Variants in CSMD1 observed in about 807,000 individuals in gnomAD.
The protein encoded by CSMD1 is CUB and Sushi multiple domains 1, also known as CUB and sushi domain-containing protein 1.
A neutral mutation model predicts 417.5 loss-of-function variants in CSMD1; 213 were observed. That is an observed-to-expected ratio of 0.51 (90% confidence interval 0.46 to 0.57). The LOEUF (loss-of-function observed/expected upper bound fraction) is 0.57, where lower values mean the gene tolerates loss of function less well. CSMD1 is among the 20% of genes least tolerant of loss of function. CSMD1 has a pLI of 0.00. For synonymous variants in CSMD1, 2,862 were observed against 1,736.8 expected, an observed-to-expected ratio of 1.65 and a Z score of -16.11; for missense variants, 6,923 against 4,529.7, an observed-to-expected ratio of 1.53 and a Z score of -15.17.
intron 3 of CSMD1, among the ~76,000 whole-genome samples, chr8:4,108,589 C>T (rs1405932759): frequency 6.6e-6 from 1 of 152,182 alleles, no homozygotes; most frequent in Non-Finnish European, 1.5e-5. Context: ...TTTAGATTTC[C>T]ACACGGCAAC....
chr8:3,898,714 A>T (rs1807527399), intron 5 of CSMD1, among the ~76,000 whole-genome samples: 4 of 152,172 alleles, frequency 2.6e-5, no homozygotes, highest in Admixed American at 2.6e-4. Context: ...AGGTGTAGGA[A>T]TTCCTGAGCA....
intron 2 of CSMD1, among the ~76,000 whole-genome samples, chr8:4,545,479 T>A (rs1329939126): frequency 1.3e-5 from 2 of 152,200 alleles, no homozygotes; most frequent in African/African-American, 4.8e-5. Context: ...TACTTTTCAA[T>A]ATATCTTTAA....
At position 4,296,346 on chromosome 8, in the gene CSMD1, A is replaced by T. The variant is rs1018757602; in HGVS notation, c.415+123607T>A. ...CTATAGTTCAGGGATTATGCACTAT[A>T]AACTCATGTATATTTCAGGACCACA... is the stretch of plus-strand genomic sequence containing the variant. On this transcript the variant is annotated intron_variant, in intron 3 of 69. Coordinates refer to ENST00000635120, the MANE Select transcript of CSMD1 (RefSeq NM_033225.6). Among the ~76,000 whole-genome samples, 11 of 152,314 alleles carry T rather than the reference A, an allele frequency of 7.2e-5. No individual in the cohort carries two copies. The South Asian group carries it at 1.2e-3, about 17-fold the overall frequency.
intron 26 of CSMD1, among the ~76,000 whole-genome samples, chr8:3,276,023 A>G (rs1242564041): frequency 2.6e-5 from 4 of 152,166 alleles, no homozygotes; most frequent in African/African-American, 7.2e-5. Context: ...TAGAGTTTCC[A>G]GTTTTTCTGC....
At chr8:3,491,138 G>T (rs1181928237) in intron 11 of CSMD1, among the ~76,000 whole-genome samples, 1 of 152,110 alleles carries the variant, frequency 6.6e-6, no homozygotes, top group Non-Finnish European at 1.5e-5. Flanking sequence ...GAAAGAATGC[G>T]GTGAGAGCGT....
intron 2 of CSMD1, among the ~76,000 whole-genome samples, chr8:4,545,171 G>C (rs543433901): frequency 2.6e-5 from 4 of 152,262 alleles, no homozygotes; most frequent in Non-Finnish European, 5.9e-5. Flanking sequence ...AATCATATTT[G>C]TGAGAAACAG....
At chr8:3,159,153 T>C (rs1478560574) in intron 38 of CSMD1, among the ~76,000 whole-genome samples, 1 of 152,148 alleles carries the variant, frequency 6.6e-6, no homozygotes, top group Non-Finnish European at 1.5e-5. Flanking sequence ...CCTTCTGAAA[T>C]AGGGAAAAAC....
chr8:4,945,952 G>C (rs1000423375), intron 1 of CSMD1, among the ~76,000 whole-genome samples: 8 of 152,168 alleles, frequency 5.3e-5, no homozygotes, highest in African/African-American at 1.7e-4. Context: ...CTATGTGCAA[G>C]AAAGTAGGAC....
intron 27 of CSMD1, 98 bp downstream of exon 27, chr8:3,229,942 G>T: frequency 3.4e-6 from 3 of 882,768 alleles, no homozygotes; most frequent in East Asian, 2.7e-5. Context: ...AAACTCTTGA[G>T]AAATATTTCT....
At chr8:4,136,035 AAAG>A (rs1272023950) in intron 3 of CSMD1, among the ~76,000 whole-genome samples, 4 of 152,196 alleles carry the variant, frequency 2.6e-5, no homozygotes, top group East Asian at 1.9e-4. Flanking sequence ...GGTAAAAACC[AAAG>A]AAGAATTTTA....
intron 7 of CSMD1, among the ~76,000 whole-genome samples, chr8:3,669,253 G>C (rs528101128): frequency 1.3e-5 from 2 of 152,198 alleles, no homozygotes; most frequent in Non-Finnish European, 2.9e-5. Context: ...ATCAATCTGA[G>C]TGAAAATGTC....
intron 10 of CSMD1, among the ~76,000 whole-genome samples, chr8:3,499,310 T>C (rs1413738936): frequency 2.0e-5 from 3 of 152,134 alleles, no homozygotes; most frequent in African/African-American, 4.8e-5. Context: ...CAGGTGTTTG[T>C]GGAAGTGTTG....
At chr8:3,908,626 A>G (rs191837669) in intron 5 of CSMD1, among the ~76,000 whole-genome samples, 6 of 152,336 alleles carry the variant, frequency 3.9e-5, no homozygotes. Context: ...TGCTTAAAAA[A>G]AAATCTGTCT....
At chr8:4,408,436 T>C (rs576358180) in intron 3 of CSMD1, among the ~76,000 whole-genome samples, 2 of 152,216 alleles carry the variant, frequency 1.3e-5, no homozygotes, top group Admixed American at 1.3e-4. Flanking sequence ...AAGAAAAGAA[T>C]TGGGAGAATA....
intron 23 of CSMD1, among the ~76,000 whole-genome samples, chr8:3,312,554 C>G (rs533572696): frequency 2.6e-5 from 4 of 152,100 alleles, no homozygotes; most frequent in Non-Finnish European, 5.9e-5. Flanking sequence ...CAAAGCTCCT[C>G]GCAGGATTTG....
chr8:3,131,873 A>C (rs1473238380), intron 41 of CSMD1, among the ~76,000 whole-genome samples: 3 of 152,216 alleles, frequency 2.0e-5, no homozygotes, highest in Non-Finnish European at 4.4e-5. Context: ...TGTTATGTAT[A>C]TATTTACCAT....
At chr8:3,731,665 G>T (rs1420463783) in intron 6 of CSMD1, among the ~76,000 whole-genome samples, 1 of 152,158 alleles carries the variant, frequency 6.6e-6, no homozygotes, top group East Asian at 1.9e-4. Context: ...CTCGGTACTG[G>T]GAGGTCAGCA....
At chr8:4,062,404 C>T (rs953385461) in intron 3 of CSMD1, among the ~76,000 whole-genome samples, 3 of 151,972 alleles carry the variant, frequency 2.0e-5, no homozygotes, top group South Asian at 2.1e-4. Flanking sequence ...TGAGACCAAT[C>T]GGTTGTACAT....
chr8:4,232,755 A>G (rs908430598), intron 3 of CSMD1, among the ~76,000 whole-genome samples: 1 of 152,238 alleles, frequency 6.6e-6, no homozygotes, highest in African/African-American at 2.4e-5. Flanking sequence ...ATTCACTGCT[A>G]TCTGGTTAAA....
Sources: allele counts gnomAD v4.1 joint callset (sites outside exome capture counted in the v4.1 genomes callset), GRCh38; gene constraint gnomAD v4.1.1; transcripts MANE v1.5; gene names NCBI Gene and HGNC (gene_info 2026-07-23, HGNC 2026-07-21).